NUDT4: variants seen among roughly 807,000 people sequenced by gnomAD.
NUDT4 encodes diphosphoinositol polyphosphate phosphohydrolase 2.
NUDT4 carries 5 observed loss-of-function variants against 23.1 expected under a neutral mutation model. The observed-to-expected ratio is 0.22, with a 90% CI of 0.11 to 0.46. The LOEUF (loss-of-function observed/expected upper bound fraction) is 0.46, where lower values mean the gene tolerates loss of function less well. NUDT4 is among the 20% of genes least tolerant of loss of function. The pLI is 0.99. For synonymous variants in NUDT4, 50 were observed against 79.0 expected, an observed-to-expected ratio of 0.63 and a Z score of 1.95; for missense variants, 96 against 211.6, an observed-to-expected ratio of 0.45 and a Z score of 3.39.
At position 93,395,473 on chromosome 12, in the gene NUDT4, C is replaced by T. The variant is rs1876868182; in HGVS notation, c.211-16C>T. The T allele has an allele frequency of 3.2e-6, 5 of 1,577,632 alleles. No individual in the cohort carries two copies. The highest frequency in any genetic ancestry group is 2.2e-5 in the South Asian group (2 of 90,234). Reference sequence around the variant, plus strand: ...ATAAAAAGGTAAACATTTTATATTTCATCTTTTTTTAATAGGCTGGAGTCA... The same window carrying T: ...ATAAAAAGGTAAACATTTTATATTTTATCTTTTTTTAATAGGCTGGAGTCA... On this transcript the variant is annotated splice_polypyrimidine_tract_variant and intron_variant, in intron 2 of 4. Transcript: ENST00000415493.
intron 1 of NUDT4, 65 bp downstream of exon 1, chr12:93,378,486 C>G (rs1300114823): frequency 8.4e-6 from 12 of 1,429,978 alleles, no homozygotes; most frequent in Non-Finnish European, 1.0e-5. Flanking sequence ...GGTGCTTCCC[C>G]TCGCTCCCCG....
intron 3 of NUDT4, among the ~76,000 whole-genome samples, chr12:93,396,839 G>GGT (rs1360533763): frequency 6.6e-6 from 1 of 152,204 alleles, no homozygotes; most frequent in Non-Finnish European, 1.5e-5. Context: ...GAACCCGGGA[G>GGT]GTGGAGGTTG....
rs1028030879 is a variant in NUDT4, at chr12:93,407,641, CAA to C, written c.*8265_*8266del. On this transcript the variant is annotated 3_prime_UTR_variant, in exon 5 of 5. Transcript: ENST00000415493. ...ACTGTTGCCAGATCTTCAGATCATTCAAAAGTTACCCGAATTCTGGATTTTCA... is the reference window on the plus strand; with the variant it reads ...ACTGTTGCCAGATCTTCAGATCATTCAAGTTACCCGAATTCTGGATTTTCA... 3 of 152,200 alleles carry C rather than the reference CAA, an allele frequency of 2.0e-5. No individual in the cohort carries two copies. The highest frequency in any genetic ancestry group is 7.2e-5 in the African/African-American group (3 of 41,446). The allele number at this position is 152,200 out of a possible 1,614,324, so 9.4% of individuals were successfully genotyped here. A position where few individuals can be genotyped will look rare whatever the true frequency, so the allele number is the denominator to read the frequency against.
chr12:93,385,036 T>A (rs1875959755), intron 1 of NUDT4: 1 of 152,238 alleles, frequency 6.6e-6, no homozygotes, highest in Non-Finnish European at 1.5e-5. Context: ...CCCAAAGTGC[T>A]GGGATTACAG....
Position 93,378,439 on chromosome 12 carries a change from G to A in NUDT4, c.99+18G>A. The A allele has an allele frequency of 1.3e-6, 2 of 1,535,576 alleles. No homozygotes were observed. Among genetic ancestry groups the A allele is most frequent in the African/African-American group, 1.4e-5 (1 of 72,494 alleles). ...AGGACGAGGTAGGGCGCCCGGCGCCGCACGCTGCCCTCCGGGGCGCCGGGG... is the reference window on the plus strand; with the variant it reads ...AGGACGAGGTAGGGCGCCCGGCGCCACACGCTGCCCTCCGGGGCGCCGGGG... On this transcript the variant is annotated intron_variant, in intron 1 of 4. Coordinates refer to ENST00000415493, the MANE Select transcript of NUDT4 (RefSeq NM_019094.6).
rs1384651300 is a variant in NUDT4, at chr12:93,407,108, A to G, written c.*7729A>G. ...AGTGATCCTCCTGCCTTGGCCTCCT[A>G]AAGTGCTGGGATTACAGGCATGAGC... On this transcript the variant is annotated 3_prime_UTR_variant, in exon 5 of 5. Coordinates refer to ENST00000415493, the MANE Select transcript of NUDT4 (RefSeq NM_019094.6). 6 of 152,358 alleles carry G rather than the reference A, an allele frequency of 3.9e-5. No homozygotes were observed. The highest frequency in any genetic ancestry group is 7.3e-5 in the Non-Finnish European group (5 of 68,186). The allele number at this position is 152,358 out of a possible 1,614,324, so 9.4% of individuals were successfully genotyped here.
intron 3 of NUDT4, among the ~76,000 whole-genome samples, chr12:93,397,533 GT>G (rs35441356): frequency 0.12 from 17,336 of 145,414 alleles, 1,117 homozygotes; most frequent in African/African-American, 0.16. Flanking sequence ...TTTAATTTAT[GT>G]TTTTTTTTTT....
Position 93,404,421 on chromosome 12 carries a change from GTAT to G in NUDT4, c.*5044_*5046del, listed in dbSNP as rs1877687639. The G allele has an allele frequency of 6.6e-6, 1 of 152,220 alleles. No individual in the cohort carries two copies. Among genetic ancestry groups the G allele is most frequent in the African/African-American group, 2.4e-5 (1 of 41,454 alleles). 9.4% of individuals were successfully genotyped at this position (152,220 alleles called of 1,614,324 possible). ...CAGCCTGTCGGAGAGCTACTGAGTA[GTAT>G]TTTATCACAGCTGCATACATACCCT... On this transcript the variant is annotated 3_prime_UTR_variant, in exon 5 of 5. Transcript: ENST00000415493.
chr12:93,382,540 A>G (rs1565775286), intron 1 of NUDT4, among the ~76,000 whole-genome samples: 2 of 152,162 alleles, frequency 1.3e-5, no homozygotes, highest in Non-Finnish European at 2.9e-5. Context: ...GCATTTTTAT[A>G]CTTAGAATCA....
At chr12:93,378,499 C>G (rs1238420775) in intron 1 of NUDT4, 78 bp downstream of exon 1, 2 of 1,378,764 alleles carry the variant, frequency 1.5e-6, no homozygotes, top group Non-Finnish European at 1.9e-6. Context: ...GCTCCCCGCC[C>G]CTGCGCAGGC....
In NUDT4 at chr12:93,405,554, C is replaced by G. The variant is rs1443151373; in HGVS notation, c.*6175C>G. On this transcript the variant is annotated 3_prime_UTR_variant, in exon 5 of 5. Coordinates refer to ENST00000415493, the MANE Select transcript of NUDT4 (RefSeq NM_019094.6). ...CAAGAGGAAAAATTTTAGTCCAGCT[C>G]CCAGCATGGCAGCTAATGGCAAGTT... 1 of 134,820 alleles carries G rather than the reference C, an allele frequency of 7.4e-6. No homozygotes were observed. The highest frequency in any genetic ancestry group is 1.6e-5 in the Non-Finnish European group (1 of 63,922). The allele number at this position is 134,820 out of a possible 1,614,324, so 8.4% of individuals were successfully genotyped here.
intron 1 of NUDT4, among the ~76,000 whole-genome samples, chr12:93,393,599 CTG>C (rs1876716165): frequency 6.6e-6 from 1 of 152,138 alleles, no homozygotes; most frequent in African/African-American, 2.4e-5. Context: ...TCTGTGGACA[CTG>C]AAATTTGAAT....
chr12:93,395,669 A>G, intron 3 of NUDT4, 136 bp downstream of exon 3: 1 of 597,714 alleles, frequency 1.7e-6, no homozygotes. Flanking sequence ...AGGATTAGGT[A>G]GGGAGGGAAG....
chr12:93,385,948 TA>T (rs1876047448), intron 1 of NUDT4, among the ~76,000 whole-genome samples: 2 of 108,064 alleles, frequency 1.9e-5, no homozygotes, highest in African/African-American at 7.4e-5. Context: ...TTTTTATATA[TA>T]TATATATATA....
At chr12:93,395,444 T>TG in intron 2 of NUDT4, 45 bp from the exon 3 acceptor site, 1 of 1,353,128 alleles carries the variant, frequency 7.4e-7, no homozygotes, top group Non-Finnish European at 1.1e-6. Flanking sequence ...ATATACATTT[T>TG]GTTATAAAAA....
chr12:93,378,181 GCCGCACCTC>G lies in NUDT4; in HGVS notation c.-134_-126del, dbSNP rs1478157918. 19 of 327,444 alleles carry G rather than the reference GCCGCACCTC, an allele frequency of 5.8e-5. No individual in the cohort carries two copies. Among genetic ancestry groups the G allele is most frequent in the East Asian group, 5.1e-5 (1 of 19,520 alleles). The allele number at this position is 327,444 out of a possible 1,614,324, so 20.3% of individuals were successfully genotyped here. A position where few individuals can be genotyped will look rare whatever the true frequency, so the allele number is the denominator to read the frequency against. The stretch of plus-strand genomic sequence containing the variant: ...GCCGGCCCCGGGACTGACCGGCCTC[GCCGCACCTC>G]CCGCACCGACTAGCGCTCCCGGGCG... On this transcript the variant is annotated 5_prime_UTR_variant, in exon 1 of 5. Coordinates refer to ENST00000415493, the MANE Select transcript of NUDT4 (RefSeq NM_019094.6).
chr12:93,380,573 G>A (rs1022404363), intron 1 of NUDT4, among the ~76,000 whole-genome samples: 6 of 152,278 alleles, frequency 3.9e-5, no homozygotes, highest in Admixed American at 1.3e-4. Flanking sequence ...TCTTGTTAGA[G>A]GATATGATCT....
rs1877837094 is a variant in NUDT4, at chr12:93,406,690, T to TA, written c.*7312dup. 6.6e-6 allele frequency: 1 copy of TA among 152,232 alleles called. No homozygotes were observed. The highest frequency in any genetic ancestry group is 1.5e-5 in the Non-Finnish European group (1 of 68,028). 9.4% of individuals were successfully genotyped at this position (152,232 alleles called of 1,614,324 possible). ...ATAGTGTAACTATTTACATAGCACT[T>TA]ACATTATAATAGGTATTATAAGTAA... On this transcript the variant is annotated 3_prime_UTR_variant, in exon 5 of 5. Transcript: ENST00000415493.
At chr12:93,395,611 C>T in intron 3 of NUDT4, 78 bp downstream of exon 3, 2 of 1,107,356 alleles carry the variant, frequency 1.8e-6, no homozygotes, top group Non-Finnish European at 2.8e-6. Context: ...AATGTGGCAG[C>T]AGCCTGAACC....
Sources: gnomAD v4.1 joint callset for allele counts (sites outside exome capture counted in the v4.1 genomes callset) on GRCh38, gnomAD v4.1.1 for gene constraint, MANE v1.5 for transcripts, NCBI Gene and HGNC (gene_info 2026-07-23, HGNC 2026-07-21) for gene names.